Variants in ZIM2 observed in about 807,000 individuals in gnomAD.
ZIM2 encodes zinc finger protein 656.
ZIM2 carries 14 observed loss-of-function variants against 38.6 expected under a neutral mutation model. The ratio of observed to expected loss-of-function variants is 0.36; its 90% CI spans 0.24 to 0.57. ZIM2 has a LOEUF of 0.57. ZIM2 is among the 20% of genes least tolerant of loss of function. The pLI, the probability that ZIM2 is intolerant of heterozygous loss-of-function variation, is 0.81. For missense variants in ZIM2, 680 were observed against 695.1 expected (o/e 0.98, Z 0.24); for synonymous variants, 247 against 245.8 (o/e 1.00, Z -0.04).
Position 56,782,025 on chromosome 19 carries a change from A to G in ZIM2, c.667T>C (p.Ser223Pro), listed in dbSNP as rs762470930. 5.0e-6 allele frequency: 8 copies of G among 1,613,918 alleles called. No homozygotes were observed. Among genetic ancestry groups the G allele is most frequent in the Admixed American group, 1.7e-5 (1 of 59,990 alleles). ...AGGTTTCTCTGAGCAGCACTAAGGG[A>G]ACTAAGTTCCTCTGGGCTGAAGTCC... ...LVDFSPEELS[S>P]LSAAQRNLYR... Residue 223 changes from serine to proline, a missense_variant, in exon 11 of 13, where the codon TCC becomes CCC. Coordinates refer to ENST00000629319, the MANE Select transcript of ZIM2 (RefSeq NM_001387356.1).
rs201779013 is a variant in ZIM2 at position 56,796,135 on chromosome 19, TTCCC to T, written c.491-6188_491-6185del. Among the ~76,000 whole-genome samples the T allele has an allele frequency of 9.6e-3, 1,462 of 152,234 alleles. 20 individuals are homozygous for T. The highest frequency in any genetic ancestry group is 0.034 in the African/African-American group (1,401 of 41,544). Reference sequence around the variant, plus strand: ...ATGTATATGTATATGTGTGTAAGGCTTCCCTCAGTATTCCTGGGGGATTTGTTTT... The same window carrying T: ...ATGTATATGTATATGTGTGTAAGGCTTCAGTATTCCTGGGGGATTTGTTTT... On this transcript the variant is annotated intron_variant, in intron 9 of 12. Transcript: ENST00000629319.
chr19:56,776,254 G>C (rs2046003046), intron 12 of ZIM2, among the ~76,000 whole-genome samples: 1 of 152,040 alleles, frequency 6.6e-6, no homozygotes. Flanking sequence ...CTGGGGTTGG[G>C]GTTTGTCAGC....
chr19:56,839,219 A>G (rs899975765), intron 1 of ZIM2, among the ~76,000 whole-genome samples: 1 of 151,842 alleles, frequency 6.6e-6, no homozygotes, highest in East Asian at 1.9e-4. Context: ...TCTGCCACCA[A>G]CCAACCAGGA....
At chr19:56,802,636 A>G (rs2047581694) in intron 9 of ZIM2, among the ~76,000 whole-genome samples, 1 of 152,196 alleles carries the variant, frequency 6.6e-6, no homozygotes, top group Non-Finnish European at 1.5e-5. Flanking sequence ...CTGGATCTAA[A>G]AGATGACTTT....
chr19:56,825,469 T>G (rs111754751), intron 3 of ZIM2, among the ~76,000 whole-genome samples: 57 of 152,368 alleles, frequency 3.7e-4, no homozygotes, highest in Admixed American at 1.7e-3. Flanking sequence ...GTTTCTTTAC[T>G]TAGTTCATTT....
chr19:56,817,385 A>G (rs1189334264), intron 9 of ZIM2: 4 of 1,613,888 alleles, frequency 2.5e-6, no homozygotes, highest in Non-Finnish European at 3.4e-6. Flanking sequence ...TTGTTCAATG[A>G]AATGTCCTTC....
chr19:56,807,531 AG>A (rs2146030093), intron 9 of ZIM2, among the ~76,000 whole-genome samples: 1 of 152,324 alleles, frequency 6.6e-6, no homozygotes, highest in African/African-American at 2.4e-5. Flanking sequence ...TGTCTAGGCC[AG>A]GCACAGTGGC....
rs762258039 is a variant in ZIM2 at position 56,818,660 on chromosome 19, T to C, written c.337A>G (p.Arg113Gly). ...TCCTGGATTGTGTTGTGAGGTTTCC[T>C]GTCCTCAGCGAGGTCCACCACATTT... ...YQNVVDLAED[R>G]KPHNTIQDNM... The change falls in exon 8 of 13, where the codon AGG becomes GGG. Residue 113 changes from arginine (R) to glycine (G), a missense_variant. By Grantham distance (125) the Arg-to-Gly change is moderately radical. Transcript: ENST00000629319. 3.1e-6 allele frequency: 5 copies of C among 1,614,086 alleles called. No homozygotes were observed. Among genetic ancestry groups the C allele is most frequent in the Non-Finnish European group, 4.2e-6 (5 of 1,180,054 alleles).
intron 9 of ZIM2, chr19:56,816,318 A>C: frequency 6.2e-7 from 1 of 1,614,122 alleles, no homozygotes; most frequent in Non-Finnish European, 8.5e-7. Context: ...GGTTCTTTCG[A>C]GAATGAATTT....
intron 9 of ZIM2, chr19:56,816,845 C>T: frequency 6.2e-7 from 1 of 1,614,124 alleles, no homozygotes; most frequent in Non-Finnish European, 8.5e-7. Context: ...TTACATTCCA[C>T]AAGATAACCT....
At position 56,814,332 on chromosome 19, in the gene ZIM2, T is replaced by TGCTGCTGCTGCAGCTGCTGCTGCTGCA; in HGVS notation, c.490+3413_490+3414insTGCAGCAGCAGCAGCTGCAGCAGCAGC. 1 of 1,612,502 alleles carries TGCTGCTGCTGCAGCTGCTGCTGCTGCA rather than the reference T, an allele frequency of 6.2e-7. No individual in the cohort carries two copies. The highest frequency in any genetic ancestry group is 1.1e-5 in the South Asian group (1 of 91,018). ...GGACATTGGCTTCAACTTCCTGGGC[T>TGCTGCTGCTGCAGCTGCTGCTGCTGCA]GCTGCTGCTGCAGCTGCTGCTGCTT... On this transcript the variant is annotated intron_variant, in intron 9 of 12. Coordinates refer to ENST00000629319, the MANE Select transcript of ZIM2 (RefSeq NM_001387356.1). The surrounding 1 kb of genome is among the most constrained non-coding windows in gnomAD (Gnocchi z 5.8).
chr19:56,833,002 C>T (rs1052356081), intron 2 of ZIM2, among the ~76,000 whole-genome samples: 1 of 152,188 alleles, frequency 6.6e-6, no homozygotes, highest in African/African-American at 2.4e-5. Flanking sequence ...ACTCATCAGG[C>T]ATCCTTGCCA....
intron 9 of ZIM2, chr19:56,816,235 G>C: frequency 6.2e-7 from 1 of 1,614,108 alleles, no homozygotes; most frequent in South Asian, 1.1e-5. Context: ...TCTTGTTATA[G>C]TATGACTCTT....
chr19:56,787,710 G>GTTTTT (rs56289231), intron 10 of ZIM2, among the ~76,000 whole-genome samples: 1 of 105,858 alleles, frequency 9.4e-6, no homozygotes, highest in South Asian at 2.9e-4. Context: ...CTGGTCCTGG[G>GTTTTT]TTTTTTTTTT....
At chr19:56,817,005 G>A (rs750683081) in intron 9 of ZIM2, 9 of 1,613,836 alleles carry the variant, frequency 5.6e-6, no homozygotes, top group Non-Finnish European at 1.7e-6. Flanking sequence ...CATACTCATA[G>A]AGGTTCTCTC....
chr19:56,790,805 G>A (rs2046892118), intron 9 of ZIM2, among the ~76,000 whole-genome samples: 1 of 152,064 alleles, frequency 6.6e-6, no homozygotes, highest in Non-Finnish European at 1.5e-5. Context: ...TCAGATAAGG[G>A]GAGTATACTA....
At chr19:56,797,445 T>C (rs186706379) in intron 9 of ZIM2, among the ~76,000 whole-genome samples, 2 of 152,362 alleles carry the variant, frequency 1.3e-5, no homozygotes, top group Admixed American at 6.5e-5. Context: ...GTTGACAGTG[T>C]AGACTACAGA....
intron 9 of ZIM2, among the ~76,000 whole-genome samples, chr19:56,805,984 CTTA>C (rs2047738895): frequency 6.6e-6 from 1 of 152,152 alleles, no homozygotes; most frequent in Non-Finnish European, 1.5e-5. Flanking sequence ...AGAGAAAATT[CTTA>C]TTCTTAGGTG....
chr19:56,818,581 G>A lies in ZIM2; in HGVS notation c.397+19C>T. The A allele has an allele frequency of 6.2e-7, 1 of 1,613,728 alleles. No homozygotes were observed. Among genetic ancestry groups the A allele is most frequent in the Non-Finnish European group, 8.5e-7 (1 of 1,179,710 alleles). On this transcript the variant is annotated intron_variant, in intron 8 of 12. Coordinates refer to ENST00000629319, the MANE Select transcript of ZIM2 (RefSeq NM_001387356.1). Reference sequence around the variant, plus strand: ...TCCAATGACTGGACTGGGAGTGACTGAGAGAAGCAGCTGCTTACCGAGGGA... The same window carrying A: ...TCCAATGACTGGACTGGGAGTGACTAAGAGAAGCAGCTGCTTACCGAGGGA...
Sources: allele counts gnomAD v4.1 joint callset (sites outside exome capture counted in the v4.1 genomes callset), GRCh38; gene constraint gnomAD v4.1.1; non-coding constraint Gnocchi (gnomAD v3.1); transcripts MANE v1.5; gene names NCBI Gene and HGNC (gene_info 2026-07-23, HGNC 2026-07-21).